Variants in GLT8D2 observed in about 807,000 individuals in gnomAD.
GLT8D2 encodes the protein glycosyltransferase 8 domain-containing protein 2.
GLT8D2 carries 45 observed loss-of-function variants against 44.5 expected under a neutral mutation model. The observed-to-expected ratio is 1.01, with a 90% confidence interval of 0.80 to 1.30. The LOEUF (loss-of-function observed/expected upper bound fraction) is 1.30. Ranked by LOEUF, GLT8D2 falls within the 50% of genes most tolerant of loss-of-function variation. GLT8D2 has a pLI of 0.00. For synonymous variants in GLT8D2, 156 were observed against 157.2 expected (o/e 0.99, Z 0.06); for missense variants, 400 against 430.4 (o/e 0.93, Z 0.62).
At chr12:104,010,168 T>C (rs565925646) in intron 4 of GLT8D2, among the ~76,000 whole-genome samples, 2 of 152,332 alleles carry the variant, frequency 1.3e-5, no homozygotes, top group East Asian at 1.9e-4. Context: ...AAGTTCCTCA[T>C]TGGTTCCTAA....
intron 1 of GLT8D2, among the ~76,000 whole-genome samples, chr12:104,040,519 G>A (rs577906982): frequency 2.7e-5 from 4 of 149,898 alleles, no homozygotes; most frequent in South Asian, 2.3e-4. Flanking sequence ...TCTGGCACCC[G>A]GGTTTACGCG....
upstream of GLT8D2, among the ~76,000 whole-genome samples, chr12:104,051,774 A>C (rs941419792): frequency 8.8e-4 from 133 of 151,976 alleles, no homozygotes; most frequent in African/African-American, 3.1e-3. Context: ...AGTCTTTGAA[A>C]TTTGGTGTGT....
chr12:104,030,692 A>T lies in GLT8D2; in HGVS notation c.-163-9201T>A, dbSNP rs916399438. The T allele has an allele frequency of 2.5e-6, 4 of 1,596,698 alleles. No homozygotes were observed. In the African/African-American group the frequency reaches 5.4e-5, roughly 21 times the overall value. On this transcript the variant is annotated intron_variant, in intron 1 of 10. Coordinates refer to ENST00000360814, the MANE Select transcript of GLT8D2 (RefSeq NM_001384711.1). Reference sequence around the variant, plus strand: ...TAAGAAACTCATACAACTCAATAGCAAAAAAACAAATAACTTGATTTAAAA... The same window carrying T: ...TAAGAAACTCATACAACTCAATAGCTAAAAAACAAATAACTTGATTTAAAA...
chr12:104,061,751 C>T (rs900984008), intron 1 of GLT8D2, among the ~76,000 whole-genome samples: 1 of 151,932 alleles, frequency 6.6e-6, no homozygotes, highest in African/African-American at 2.4e-5. Flanking sequence ...CCAAGGTGGG[C>T]AGATCACCTG....
At chr12:104,011,536 G>A (rs945450023) in intron 4 of GLT8D2, among the ~76,000 whole-genome samples, 2 of 152,162 alleles carry the variant, frequency 1.3e-5, no homozygotes, top group East Asian at 1.9e-4. Flanking sequence ...CGAGTGACCA[G>A]CACACTAGTC....
chr12:104,028,954 C>T (rs754598497), intron 1 of GLT8D2, among the ~76,000 whole-genome samples: 1 of 151,854 alleles, frequency 6.6e-6, no homozygotes, highest in Admixed American at 6.6e-5. Context: ...AAAAAAACCA[C>T]GTTGGGAACT....
intron 1 of GLT8D2, 145 bp downstream of exon 1, chr12:104,049,750 G>A (rs1881545096): frequency 6.6e-6 from 1 of 152,218 alleles, no homozygotes; most frequent in Admixed American, 6.5e-5. Context: ...GTTCGGACTG[G>A]GAAGTTTCTG....
At chr12:104,044,306 C>G (rs1880862528) in intron 1 of GLT8D2, among the ~76,000 whole-genome samples, 1 of 152,230 alleles carries the variant, frequency 6.6e-6, no homozygotes, top group Non-Finnish European at 1.5e-5. Flanking sequence ...CATCTTCCAA[C>G]AGACTGCCTC....
chr12:104,031,525 G>A, intron 1 of GLT8D2: 1 of 1,612,528 alleles, frequency 6.2e-7, no homozygotes, highest in Non-Finnish European at 8.5e-7. Flanking sequence ...TGGCTGCCCA[G>A]GGCAAGGCCA....
chr12:104,006,719 GA>G (rs1007576941), intron 4 of GLT8D2, among the ~76,000 whole-genome samples: 1 of 152,198 alleles, frequency 6.6e-6, no homozygotes, highest in African/African-American at 2.4e-5. Context: ...CGATTTACAA[GA>G]AAAAGCTTTG....
intron 1 of GLT8D2, among the ~76,000 whole-genome samples, chr12:104,033,665 G>A (rs1312703485): frequency 6.6e-6 from 1 of 151,428 alleles, no homozygotes; most frequent in South Asian, 2.1e-4. Context: ...CTGCACATAC[G>A]CAAAAGGCAA....
upstream of GLT8D2, among the ~76,000 whole-genome samples, chr12:104,052,998 A>G (rs180816775): frequency 2.3e-3 from 346 of 152,322 alleles, 2 homozygotes; most frequent in African/African-American, 6.9e-3. Context: ...GGGGCAGCAC[A>G]ATATCCTATG....
In GLT8D2 at chr12:103,997,561, G is replaced by A. The variant is rs368277973; in HGVS notation, c.403-26C>T. On this transcript the variant is annotated intron_variant, in intron 6 of 10. Coordinates refer to ENST00000360814, the MANE Select transcript of GLT8D2 (RefSeq NM_001384711.1). ...CTGTTAAAACGACAAAAGAAATGAT[G>A]GTGGGGGAGAGGCATATGGCTTAGT... 9.0e-6 allele frequency: 14 copies of A among 1,550,114 alleles called. No individual in the cohort carries two copies. The African/African-American group carries it at 1.4e-4, about 15-fold the overall frequency.
chr12:104,056,173 T>C (rs1186759952), intron 1 of GLT8D2, among the ~76,000 whole-genome samples: 1 of 152,122 alleles, frequency 6.6e-6, no homozygotes, highest in Admixed American at 6.5e-5. Flanking sequence ...CTCTATGCTT[T>C]GGACATAGCT....
chr12:104,001,748 G>A (rs1371285415), intron 5 of GLT8D2, among the ~76,000 whole-genome samples: 1 of 151,832 alleles, frequency 6.6e-6, no homozygotes, highest in African/African-American at 2.4e-5. Context: ...CTGTCACCCA[G>A]GCTGAAGCGC....
intron 4 of GLT8D2, among the ~76,000 whole-genome samples, chr12:104,005,271 T>C (rs1043096052): frequency 2.0e-5 from 3 of 152,176 alleles, no homozygotes; most frequent in African/African-American, 7.2e-5. Flanking sequence ...CCTAAAACCA[T>C]AAAAACCCTA....
At chr12:104,047,904 G>A (rs943986094) in intron 1 of GLT8D2, among the ~76,000 whole-genome samples, 2 of 152,208 alleles carry the variant, frequency 1.3e-5, no homozygotes, top group Non-Finnish European at 2.9e-5. Flanking sequence ...AATCCTGCCT[G>A]ACACTAGTTT....
intron 5 of GLT8D2, among the ~76,000 whole-genome samples, chr12:103,999,905 CT>C (rs891998230): frequency 1.3e-5 from 2 of 152,178 alleles, no homozygotes; most frequent in African/African-American, 4.8e-5. Flanking sequence ...CATTCTGAAC[CT>C]TCAGCTTTGA....
chr12:104,055,189 C>T (rs191828942), intron 1 of GLT8D2, among the ~76,000 whole-genome samples: 6 of 152,242 alleles, frequency 3.9e-5, no homozygotes, highest in East Asian at 3.9e-4. Flanking sequence ...ACAAAAGGGA[C>T]GAGGGGCTGA....
Sources: gnomAD v4.1 joint callset for allele counts (sites outside exome capture counted in the v4.1 genomes callset) on GRCh38, gnomAD v4.1.1 for gene constraint, MANE v1.5 for transcripts, NCBI Gene and HGNC (gene_info 2026-07-23, HGNC 2026-07-21) for gene names.